ERN1: variants seen among roughly 807,000 people sequenced by gnomAD.
ERN1 encodes serine/threonine-protein kinase/endoribonuclease IRE1.
ERN1 carries 39 observed loss-of-function variants against 113.1 expected under a neutral mutation model. The ratio of observed to expected loss-of-function variants is 0.34; its 90% CI spans 0.27 to 0.45. The LOEUF (loss-of-function observed/expected upper bound fraction) is 0.45. ERN1 is among the 20% of genes least tolerant of loss of function. The pLI is 1.00. For missense variants in ERN1, 976 were observed against 1,274.8 expected (o/e 0.77, Z 3.57); for synonymous variants, 507 against 515.9 (o/e 0.98, Z 0.23).
At position 64,057,915 on chromosome 17, in the gene ERN1, C is replaced by A. The variant is rs1483928093; in HGVS notation, c.1285G>T (p.Ala429Ser). ...SRDVEEKPAH[A>S]PARPEAPVDS... Reference sequence around the variant, plus strand: ...ACGGGGGCCTCGGGCCGGGCAGGGGCATGGGCGGGCTTCTCCTCCACATCC... The same window carrying A: ...ACGGGGGCCTCGGGCCGGGCAGGGGAATGGGCGGGCTTCTCCTCCACATCC... The change falls in exon 12 of 22, where the codon GCC becomes TCC. Residue 429 changes from alanine (A) to serine (S), a missense_variant. Physicochemically the swap from Ala to Ser is moderately conservative, Grantham distance 99. Transcript: ENST00000433197. 1 of 1,611,690 alleles carries A rather than the reference C, an allele frequency of 6.2e-7. No homozygotes were observed.
In ERN1 at chr17:64,041,257, A is replaced by G. The variant is rs187430616; in HGVS notation, c.*2731T>C. Reference sequence around the variant, plus strand: ...AGAGGTTTAGTAAGACAAGATTTAAATAAGTCATAGTGTCCTTTGGATTCC... The same window carrying G: ...AGAGGTTTAGTAAGACAAGATTTAAGTAAGTCATAGTGTCCTTTGGATTCC... On this transcript the variant is annotated 3_prime_UTR_variant, in exon 22 of 22. Coordinates refer to ENST00000433197, the MANE Select transcript of ERN1 (RefSeq NM_001433.5). 24 of 152,388 alleles carry G rather than the reference A, an allele frequency of 1.6e-4. No individual in the cohort carries two copies. Among genetic ancestry groups the G allele is most frequent in the Non-Finnish European group, 3.1e-4 (21 of 68,034 alleles). The allele number at this position is 152,388 out of a possible 1,614,324, so 9.4% of individuals were successfully genotyped here.
chr17:64,074,301 G>A (rs754839948), intron 5 of ERN1, among the ~76,000 whole-genome samples: 2 of 152,162 alleles, frequency 1.3e-5, no homozygotes, highest in Non-Finnish European at 2.9e-5. Context: ...TGAATTGCTG[G>A]CAAAAGCTGG....
intron 2 of ERN1, among the ~76,000 whole-genome samples, chr17:64,081,453 T>C (rs549394905): frequency 2.4e-4 from 36 of 152,262 alleles, no homozygotes; most frequent in Non-Finnish European, 4.3e-4. Flanking sequence ...CCCAATAATA[T>C]GGTTAAGTTA....
intron 12 of ERN1, 134 bp from the exon 13 acceptor site, chr17:64,056,082 T>A: frequency 7.3e-7 from 1 of 1,371,102 alleles, no homozygotes; most frequent in African/African-American, 1.5e-5. Flanking sequence ...AAGAGACCAG[T>A]GAGAAGGCAC....
rs1912839473 is a variant in ERN1 at position 64,055,693 on chromosome 17, G to C, written c.1654C>G (p.Leu552Val). 7 of 1,599,058 alleles carry C rather than the reference G, an allele frequency of 4.4e-6. No individual in the cohort carries two copies. Among genetic ancestry groups the C allele is most frequent in the Non-Finnish European group, 5.1e-6 (6 of 1,172,492 alleles). ...SASKAGSSPS[L>V]EQDDGDEETS... Reference sequence around the variant, plus strand: ...GCTTTACCTCCATCGTCTTGTTCCAGGGAGGGGCTGCTGCCAGCCTTGGAG... The same window carrying C: ...GCTTTACCTCCATCGTCTTGTTCCACGGAGGGGCTGCTGCCAGCCTTGGAG... The change falls in exon 13 of 22, where the codon CTG (leucine) becomes GTG (valine). Residue 552 changes from leucine to valine, a missense_variant. Around this residue, in one of 5 missense-constraint regions of ERN1, gnomAD observed 112 missense variants for 106.2 expected, o/e 1.05. Coordinates refer to ENST00000433197, the MANE Select transcript of ERN1 (RefSeq NM_001433.5).
Position 64,054,581 on chromosome 17 carries a change from T to C in ERN1, c.1764-142A>G, listed in dbSNP as rs879488518. The C allele has an allele frequency of 6.3e-5, 64 of 1,018,788 alleles. No individual in the cohort carries two copies. Among genetic ancestry groups the C allele is most frequent in the Non-Finnish European group, 7.6e-5 (53 of 698,278 alleles). The allele number at this position is 1,018,788 out of a possible 1,614,324, so 63.1% of individuals were successfully genotyped here. A position where few individuals can be genotyped will look rare whatever the true frequency, so the allele number is the denominator to read the frequency against. ...TGACTGCCTGGTGGCCCCGGAATCA[T>C]CGCTTGTCTCAGTGTGCAAGCTCCC... On this transcript the variant is annotated intron_variant, in intron 14 of 21. Transcript: ENST00000433197. This position sits in a 1 kb window ranked among gnomAD's most constrained non-coding sequence, Gnocchi z 4.9.
In ERN1 at chr17:64,055,711, C is replaced by G; in HGVS notation, c.1636G>C (p.Ala546Pro). 2.5e-6 allele frequency: 4 copies of G among 1,607,338 alleles called. No individual in the cohort carries two copies. The highest frequency in any genetic ancestry group is 3.4e-6 in the Non-Finnish European group (4 of 1,176,532). Residue 546 changes from alanine to proline, a missense_variant, in exon 13 of 22, where the codon GCT (alanine) becomes CCT (proline). Around this residue, in one of 5 missense-constraint regions of ERN1, gnomAD observed 112 missense variants for 106.2 expected, o/e 1.05. Transcript: ENST00000433197. ...TGTTCCAGGGAGGGGCTGCTGCCAG[C>G]CTTGGAGGCAGAGCTGCCGGAGCAG... Reference protein sequence around the residue: ...SLCSGSSASKAGSSPSLEQDD... With the variant: ...SLCSGSSASKPGSSPSLEQDD...
Position 64,047,953 on chromosome 17 carries a change from T to C in ERN1, c.2434A>G (p.Met812Val), listed in dbSNP as rs1193636005. 1 of 1,613,358 alleles carries C rather than the reference T, an allele frequency of 6.2e-7. No individual in the cohort carries two copies. The highest frequency in any genetic ancestry group is 8.5e-7 in the Non-Finnish European group (1 of 1,179,440). The change falls in exon 19 of 22, where the codon ATG becomes GTG. Residue 812 changes from methionine (M) to valine (V), a missense_variant. Physicochemically the swap from Met to Val is conservative, Grantham distance 21. Coordinates refer to ENST00000433197, the MANE Select transcript of ERN1 (RefSeq NM_001433.5). ...CGTTTCTGAGGATCCATCGCAATCATCTTCTCTATCAATTCACGTGCAATG... is the reference window on the plus strand; with the variant it reads ...CGTTTCTGAGGATCCATCGCAATCACCTTCTCTATCAATTCACGTGCAATG... ...DVIARELIEK[M>V]IAMDPQKRPS...
chr17:64,118,831 T>C (rs952821034), intron 1 of ERN1, among the ~76,000 whole-genome samples: 1 of 152,180 alleles, frequency 6.6e-6, no homozygotes, highest in Non-Finnish European at 1.5e-5. Context: ...ATGAGGCTAA[T>C]AGCCAGCTCT....
At chr17:64,071,911 G>A in intron 6 of ERN1, 70 bp downstream of exon 6, 1 of 1,527,464 alleles carries the variant, frequency 6.5e-7, no homozygotes, top group East Asian at 2.4e-5. Context: ...TTCTAGGGAA[G>A]GAGGCTGGGG....
chr17:64,080,236 G>C (rs549059923), intron 3 of ERN1, among the ~76,000 whole-genome samples: 1 of 152,334 alleles, frequency 6.6e-6, no homozygotes, highest in East Asian at 1.9e-4. Context: ...GAGAGAACCC[G>C]CCAAGGGGAC....
rs745616488 is a variant in ERN1, at chr17:64,052,864, G to A, written c.2169C>T (p.His723=). 6.2e-7 allele frequency: 1 copy of A among 1,613,888 alleles called. No homozygotes were observed. Among genetic ancestry groups the A allele is most frequent in the South Asian group, 1.1e-5 (1 of 91,088 alleles). ...GCACCCCAGATCGGCGGCTGAAACTGTGTCTGCCCACTGCCAGCTTCTTGC... is the reference window on the plus strand; with the variant it reads ...GCACCCCAGATCGGCGGCTGAAACTATGTCTGCCCACTGCCAGCTTCTTGC... The part of the protein sequence containing the change: ...GLCKKLAVGR[H]SFSRRSGVPG... Residue 723 remains histidine, a synonymous_variant, in exon 17 of 22, where the codon CAC becomes CAT. Coordinates refer to ENST00000433197, the MANE Select transcript of ERN1 (RefSeq NM_001433.5).
At chr17:64,048,909 A>T in intron 18 of ERN1, 146 bp downstream of exon 18, 1 of 691,408 alleles carries the variant, frequency 1.4e-6, no homozygotes, top group Non-Finnish European at 2.1e-6. Flanking sequence ...CAGATTTGGC[A>T]CAAGTCTGGA....
rs548880046 is a variant in ERN1 at position 64,042,002 on chromosome 17, A to C, written c.*1986T>G. On this transcript the variant is annotated 3_prime_UTR_variant, in exon 22 of 22. Transcript: ENST00000433197. ...AAATCACCTGGGTACTCCCAAAGAG[A>C]AAACCTGTGCTGAGAACGAGCTGGG... 2 of 152,360 alleles carry C rather than the reference A, an allele frequency of 1.3e-5. No individual in the cohort carries two copies. The highest frequency in any genetic ancestry group is 2.9e-5 in the Non-Finnish European group (2 of 68,066). The allele number at this position is 152,360 out of a possible 1,614,324, so 9.4% of individuals were successfully genotyped here.
At chr17:64,128,335 C>T (rs1477209354) in intron 1 of ERN1, among the ~76,000 whole-genome samples, 2 of 152,054 alleles carry the variant, frequency 1.3e-5, no homozygotes, top group African/African-American at 2.4e-5. Context: ...AATATAGTTA[C>T]GCTAAACTAT....
chr17:64,051,971 T>C (rs1232834376), intron 17 of ERN1, among the ~76,000 whole-genome samples: 1 of 152,240 alleles, frequency 6.6e-6, no homozygotes, highest in Non-Finnish European at 1.5e-5. Flanking sequence ...GGATGCCTGC[T>C]ACTTATATTC....
intron 8 of ERN1, among the ~76,000 whole-genome samples, chr17:64,066,158 T>A (rs796239386): frequency 2.6e-5 from 4 of 152,248 alleles, no homozygotes; most frequent in African/African-American, 9.6e-5. Flanking sequence ...ACACACACAC[T>A]GTAACTATTT....
chr17:64,059,679 T>C (rs1387252194), intron 11 of ERN1, among the ~76,000 whole-genome samples: 1 of 152,138 alleles, frequency 6.6e-6, no homozygotes, highest in Non-Finnish European at 1.5e-5. Context: ...GTGGGGCTGC[T>C]GAATTCCTCA....
intron 10 of ERN1, among the ~76,000 whole-genome samples, chr17:64,062,875 C>A (rs1448643640): frequency 6.6e-6 from 1 of 152,150 alleles, no homozygotes; most frequent in Non-Finnish European, 1.5e-5. Context: ...AAAATGGCTA[C>A]AAGGAAACAG....
Sources: allele counts gnomAD v4.1 joint callset (sites outside exome capture counted in the v4.1 genomes callset), GRCh38; gene constraint gnomAD v4.1.1; regional missense constraint gnomAD v4.1.1; non-coding constraint Gnocchi (gnomAD v3.1); transcripts MANE v1.5; gene names NCBI Gene and HGNC (gene_info 2026-07-23, HGNC 2026-07-21).